EYS: variants seen among roughly 807,000 people sequenced by gnomAD.
The protein encoded by EYS is EGF-like photoreceptor maintenance factor.
Under a neutral mutation model 282.1 loss-of-function variants are expected in EYS, and 250 were observed. That is an observed-to-expected ratio of 0.89 (90% CI 0.80 to 0.98). The LOEUF is 0.98. Among genes scored for constraint, EYS ranks in the 50% least tolerant of loss-of-function variants. The pLI, the probability that EYS is intolerant of heterozygous loss-of-function variation, is 0.00. For missense variants in EYS, 4,016 were observed against 3,709.0 expected, an observed-to-expected ratio of 1.08 and a Z score of -2.15; for synonymous variants, 1,355 against 1,282.9, an observed-to-expected ratio of 1.06 and a Z score of -1.20.
intron 12 of EYS, among the ~76,000 whole-genome samples, chr6:65,234,130 T>G (rs1766860818): frequency 6.6e-6 from 1 of 152,202 alleles, no homozygotes; most frequent in Admixed American, 6.6e-5. Flanking sequence ...CATGGAATTC[T>G]ATGCTTTTTG....
Position 65,490,725 on chromosome 6 carries a change from AG to A in EYS, c.749-19del. On this transcript the variant is annotated intron_variant, in intron 4 of 42. Transcript: ENST00000503581. ...ATTCTTTCCTATAACAATGAAAAAA[AG>A]TTTTTTTTACATTGGATATCAATAT... 1 of 1,489,416 alleles carries A rather than the reference AG, an allele frequency of 6.7e-7. No homozygotes were observed. Among genetic ancestry groups the A allele is most frequent in the Non-Finnish European group, 9.4e-7 (1 of 1,068,224 alleles). 92.3% of individuals were successfully genotyped at this position (1,489,416 alleles called of 1,614,324 possible). A position where few individuals can be genotyped will look rare whatever the true frequency, so the allele number is the denominator to read the frequency against.
intron 22 of EYS, among the ~76,000 whole-genome samples, chr6:64,745,959 G>A (rs539175123): frequency 6.6e-6 from 1 of 152,026 alleles, no homozygotes; most frequent in Non-Finnish European, 1.5e-5. Flanking sequence ...AGCCTCCAAA[G>A]GCTAGAGTGT....
intron 29 of EYS, among the ~76,000 whole-genome samples, chr6:64,387,545 G>C (rs1336363496): frequency 2.0e-5 from 3 of 151,942 alleles, no homozygotes; most frequent in Non-Finnish European, 4.4e-5. Flanking sequence ...CTTTAACTGA[G>C]GCCTTTATTT....
In EYS at chr6:64,591,176, A is replaced by G. The variant is rs1766396665; in HGVS notation, c.4691T>C (p.Ile1564Thr). 2 of 1,551,356 alleles carry G rather than the reference A, an allele frequency of 1.3e-6. No homozygotes were observed. The highest frequency in any genetic ancestry group is 2.0e-5 in the Admixed American group (1 of 50,964). The change falls in exon 26 of 43, where the codon ATA becomes ACA. Residue 1564 changes from isoleucine (I) to threonine (T), a missense_variant. By Grantham distance (89) the Ile-to-Thr change is moderately conservative (BLOSUM62 -1). Transcript: ENST00000503581. ...ATCTGAGAATTCACGAGAGGATTTT[A>G]TTTCAGTCATAGAACATGTTGCACA... ...QTCATCSMTE[I>T]KSSREFSDQV...
chr6:64,943,146 A>G (rs1291399241), intron 15 of EYS, among the ~76,000 whole-genome samples: 1 of 152,106 alleles, frequency 6.6e-6, no homozygotes, highest in African/African-American at 2.4e-5. Context: ...AAATTCTGCT[A>G]TGAAATTCAA....
At chr6:64,420,178 G>T (rs1774186247) in intron 28 of EYS, among the ~76,000 whole-genome samples, 1 of 152,040 alleles carries the variant, frequency 6.6e-6, no homozygotes, top group African/African-American at 2.4e-5. Flanking sequence ...AAACTGCCAA[G>T]ACCTGGGGCT....
intron 22 of EYS, among the ~76,000 whole-genome samples, chr6:64,712,943 C>T (rs1422089292): frequency 1.3e-5 from 2 of 152,160 alleles, no homozygotes; most frequent in African/African-American, 4.8e-5. Flanking sequence ...CACATCAAAA[C>T]AACTATTAGA....
chr6:65,126,588 A>C (rs1356177426), intron 12 of EYS, among the ~76,000 whole-genome samples: 1 of 151,964 alleles, frequency 6.6e-6, no homozygotes, highest in African/African-American at 2.4e-5. Context: ...TTTTGGGCCC[A>C]CTCCACAGAT....
chr6:64,198,209 G>A (rs909039670), intron 31 of EYS, among the ~76,000 whole-genome samples: 4 of 148,658 alleles, frequency 2.7e-5, no homozygotes, highest in Non-Finnish European at 5.9e-5. Context: ...GGGTTTCATC[G>A]TGTTTGCCAG....
intron 12 of EYS, among the ~76,000 whole-genome samples, chr6:65,271,568 G>T (rs1264795231): frequency 1.3e-5 from 2 of 151,792 alleles, no homozygotes; most frequent in African/African-American, 4.8e-5. Flanking sequence ...GCCCAGTCAA[G>T]TTTTTAATTT....
At chr6:64,024,557 G>A (rs1207939387) in intron 33 of EYS, among the ~76,000 whole-genome samples, 1 of 152,076 alleles carries the variant, frequency 6.6e-6, no homozygotes, top group Admixed American at 6.5e-5. Flanking sequence ...CTTCCACACT[G>A]TGGAAGCTTT....
intron 22 of EYS, among the ~76,000 whole-genome samples, chr6:64,635,689 G>C (rs1041621505): frequency 6.6e-6 from 1 of 152,122 alleles, no homozygotes; most frequent in African/African-American, 2.4e-5. Context: ...TGATCATGGT[G>C]GATAAGTGTT....
Position 64,255,334 on chromosome 6 carries a change from G to A in EYS, c.6192-24510C>T, listed in dbSNP as rs1009386415. Among the ~76,000 whole-genome samples the A allele has an allele frequency of 4.6e-5, 7 of 152,140 alleles. No homozygotes were observed. The East Asian group carries it at 1.2e-3, about 25-fold the overall frequency. ...CACTAGAAACTTCCTCAACTAAAAT[G>A]ATGCTTATCCACTTTGTCTATGAGC... On this transcript the variant is annotated intron_variant, in intron 30 of 42. Transcript: ENST00000503581.
At chr6:64,723,624 T>C (rs1405342093) in intron 22 of EYS, among the ~76,000 whole-genome samples, 3 of 152,208 alleles carry the variant, frequency 2.0e-5, no homozygotes, top group Non-Finnish European at 4.4e-5. Flanking sequence ...TGTGTCATTA[T>C]CCTTTATGTC....
chr6:65,665,837 T>C (rs2149828967), intron 1 of EYS, among the ~76,000 whole-genome samples: 1 of 152,136 alleles, frequency 6.6e-6, no homozygotes, highest in South Asian at 2.1e-4. Flanking sequence ...GGATAAACTT[T>C]GTAAACTTTC....
At chr6:64,023,878 G>A (rs903769949) in intron 33 of EYS, among the ~76,000 whole-genome samples, 13 of 152,322 alleles carry the variant, frequency 8.5e-5, no homozygotes, top group South Asian at 4.1e-4. Context: ...CGTAGTGGCC[G>A]GCCGGCCCCG....
intron 2 of EYS, among the ~76,000 whole-genome samples, chr6:65,513,683 C>T (rs1200272198): frequency 1.3e-5 from 2 of 152,034 alleles, no homozygotes; most frequent in Admixed American, 1.3e-4. Context: ...GAACCAAAGA[C>T]AAAAACCACA....
chr6:64,204,729 G>C (rs1225535752), intron 31 of EYS, among the ~76,000 whole-genome samples: 1 of 152,082 alleles, frequency 6.6e-6, no homozygotes, highest in East Asian at 1.9e-4. Flanking sequence ...CACAAGAAAA[G>C]TTTCTGGAAT....
At chr6:64,407,192 G>C (rs1283203626) in intron 28 of EYS, among the ~76,000 whole-genome samples, 1 of 151,804 alleles carries the variant, frequency 6.6e-6, no homozygotes, top group Non-Finnish European at 1.5e-5. Flanking sequence ...GCAAGCTAAC[G>C]CATGAACAGA....
Sources: gnomAD v4.1 joint callset for allele counts (sites outside exome capture counted in the v4.1 genomes callset) on GRCh38, gnomAD v4.1.1 for gene constraint, MANE v1.5 for transcripts, NCBI Gene and HGNC (gene_info 2026-07-23, HGNC 2026-07-21) for gene names.